TMTC2: variants seen among roughly 807,000 people sequenced by gnomAD.
The protein encoded by TMTC2 is protein O-mannosyl-transferase TMTC2.
In TMTC2, 43 loss-of-function variants were observed where a neutral mutation model predicts 82.4. The ratio of observed to expected loss-of-function variants is 0.52; its 90% confidence interval spans 0.41 to 0.67. TMTC2 has a LOEUF of 0.67. Ranked by LOEUF, TMTC2 falls within the 30% of genes least tolerant of loss-of-function variation. The pLI, the probability that TMTC2 is intolerant of heterozygous loss-of-function variation, is 0.00. For synonymous variants in TMTC2, 408 were observed against 381.9 expected, an observed-to-expected ratio of 1.07 and a Z score of -0.80; for missense variants, 919 against 1,012.4, an observed-to-expected ratio of 0.91 and a Z score of 1.25.
chr12:82,737,100 T>C (rs1267851600), intron 1 of TMTC2, among the ~76,000 whole-genome samples: 1 of 152,196 alleles, frequency 6.6e-6, no homozygotes, highest in Admixed American at 6.5e-5. Context: ...CATTTAGAAA[T>C]TGTTCTGAAT....
chr12:83,015,683 A>G (rs575569662), intron 8 of TMTC2, among the ~76,000 whole-genome samples: 2 of 152,260 alleles, frequency 1.3e-5, no homozygotes, highest in South Asian at 4.1e-4. Flanking sequence ...AGTGGCCCAC[A>G]TTTTCTTGTG....
intron 11 of TMTC2, 123 bp downstream of exon 11, chr12:83,061,954 T>G: frequency 1.4e-6 from 1 of 697,232 alleles, no homozygotes; most frequent in Non-Finnish European, 2.2e-6. Flanking sequence ...TTTTTCTTTC[T>G]CCCTTTCTCT....
At chr12:82,783,545 C>T (rs1878016441) in intron 1 of TMTC2, among the ~76,000 whole-genome samples, 1 of 152,008 alleles carries the variant, frequency 6.6e-6, no homozygotes, top group African/African-American at 2.4e-5. Flanking sequence ...GGTTACTGAT[C>T]TTTCTTTATG....
intron 9 of TMTC2, among the ~76,000 whole-genome samples, chr12:83,031,216 T>G (rs1036117081): frequency 1.3e-5 from 2 of 152,214 alleles, no homozygotes; most frequent in African/African-American, 2.4e-5. Context: ...TTTGCTTCTT[T>G]TCATTCTAAG....
chr12:82,893,741 T>G (rs7979893), intron 2 of TMTC2, among the ~76,000 whole-genome samples: 1,763 of 152,240 alleles, frequency 0.012, 41 homozygotes, highest in African/African-American at 0.04. Flanking sequence ...AATGGACATA[T>G]CACCATAAAG....
At chr12:82,947,391 G>A (rs1034832397) in intron 4 of TMTC2, among the ~76,000 whole-genome samples, 3 of 145,934 alleles carry the variant, frequency 2.1e-5, no homozygotes, top group African/African-American at 5.1e-5. Context: ...CGCCCAGGCT[G>A]GAGTGCAGTG....
intron 11 of TMTC2, among the ~76,000 whole-genome samples, chr12:83,114,902 A>G (rs753228958): frequency 6.6e-6 from 1 of 151,792 alleles, no homozygotes; most frequent in African/African-American, 2.4e-5. Flanking sequence ...TATATATATA[A>G]AAATATGTAC....
At chr12:82,791,121 G>T (rs1878451225) in intron 1 of TMTC2, among the ~76,000 whole-genome samples, 1 of 151,938 alleles carries the variant, frequency 6.6e-6, no homozygotes, top group Admixed American at 6.6e-5. Flanking sequence ...CTTTCTACAT[G>T]ACTTCTCCTC....
chr12:82,766,756 G>A (rs1214379195), intron 1 of TMTC2, among the ~76,000 whole-genome samples: 1 of 152,110 alleles, frequency 6.6e-6, no homozygotes, highest in Non-Finnish European at 1.5e-5. Context: ...TCTCAATCTA[G>A]AAATTCTGGT....
At chr12:82,834,511 A>G (rs1164711978) in intron 1 of TMTC2, among the ~76,000 whole-genome samples, 2 of 152,196 alleles carry the variant, frequency 1.3e-5, no homozygotes. Context: ...TCTCAGTCTT[A>G]CCTAATGATA....
chr12:83,045,275 A>G (rs1882045557), intron 9 of TMTC2, among the ~76,000 whole-genome samples: 1 of 151,896 alleles, frequency 6.6e-6, no homozygotes, highest in Non-Finnish European at 1.5e-5. Flanking sequence ...TTCTCATCTC[A>G]TTTTTTTCAT....
chr12:83,120,247 C>T (rs769942764), intron 11 of TMTC2, among the ~76,000 whole-genome samples: 9 of 152,008 alleles, frequency 5.9e-5, no homozygotes, highest in Non-Finnish European at 1.3e-4. Flanking sequence ...TTTATAGGTT[C>T]TGTGAGATTT....
chr12:82,940,451 G>C (rs12833489), intron 4 of TMTC2, among the ~76,000 whole-genome samples: 9,003 of 152,012 alleles, frequency 0.059, 331 homozygotes, highest in Non-Finnish European at 0.082. Context: ...ATGAGAATTA[G>C]ATTTTTTATC....
At chr12:82,967,671 T>C (rs1270792851) in intron 7 of TMTC2, among the ~76,000 whole-genome samples, 1 of 152,068 alleles carries the variant, frequency 6.6e-6, no homozygotes, top group Admixed American at 6.5e-5. Flanking sequence ...CATATGACAC[T>C]TGGAAAAAAA....
intron 1 of TMTC2, among the ~76,000 whole-genome samples, chr12:82,763,679 A>T (rs775300489): frequency 6.6e-6 from 1 of 152,242 alleles, no homozygotes; most frequent in Non-Finnish European, 1.5e-5. Flanking sequence ...TCTCCAAAGA[A>T]AAAGAAAAAC....
chr12:82,997,585 C>T (rs866319084), intron 8 of TMTC2, among the ~76,000 whole-genome samples: 8 of 149,642 alleles, frequency 5.3e-5, no homozygotes, highest in Non-Finnish European at 8.9e-5. Flanking sequence ...GCAAGGATTG[C>T]TTTTAAGTAA....
chr12:83,082,227 T>C (rs1216113083), intron 11 of TMTC2, among the ~76,000 whole-genome samples: 1 of 152,230 alleles, frequency 6.6e-6, no homozygotes, highest in East Asian at 1.9e-4. Flanking sequence ...TTTTCAGCTC[T>C]GCTTTAATGC....
intron 11 of TMTC2, among the ~76,000 whole-genome samples, chr12:83,072,122 G>A (rs923988299): frequency 5.3e-5 from 8 of 151,960 alleles, no homozygotes; most frequent in African/African-American, 1.9e-4. Flanking sequence ...TGCTCTTTCA[G>A]TCTCTTTGAT....
intron 11 of TMTC2, among the ~76,000 whole-genome samples, chr12:83,095,397 T>C (rs550229780): frequency 5.9e-5 from 9 of 152,144 alleles, no homozygotes; most frequent in Admixed American, 5.2e-4. Flanking sequence ...CCCGCCACCA[T>C]GCCCAGCTAA....
Sources: allele counts gnomAD v4.1 joint callset (sites outside exome capture counted in the v4.1 genomes callset), GRCh38; gene constraint gnomAD v4.1.1; transcripts MANE v1.5; gene names NCBI Gene and HGNC (gene_info 2026-07-23, HGNC 2026-07-21).